Variants in FAT2 observed in about 807,000 individuals in gnomAD.
The protein encoded by FAT2 is protocadherin Fat 2.
FAT2 carries 150 observed loss-of-function variants against 295.3 expected under a neutral mutation model. That is an observed-to-expected ratio of 0.51 (90% CI 0.44 to 0.58). The LOEUF is 0.58. Among genes scored for constraint, FAT2 ranks in the 20% least tolerant of loss-of-function variants. The pLI, the probability that FAT2 is intolerant of heterozygous loss-of-function variation, is 0.00. For missense variants in FAT2, 4,868 were observed against 5,442.7 expected (o/e 0.89, Z 3.32); for synonymous variants, 2,026 against 2,150.3 (o/e 0.94, Z 1.60).
chr5:151,538,294 C>T (rs145398707), intron 11 of FAT2, among the ~76,000 whole-genome samples: 2 of 152,238 alleles, frequency 1.3e-5, no homozygotes, highest in African/African-American at 2.4e-5. Context: ...TTCTTCCACC[C>T]AGTCCTTTGA....
At position 151,512,373 on chromosome 5, in the gene FAT2, C is replaced by T. The variant is rs2127570555; in HGVS notation, c.11697G>A (p.Leu3899=). The T allele has an allele frequency of 6.2e-7, 1 of 1,614,230 alleles. No homozygotes were observed. The highest frequency in any genetic ancestry group is 1.7e-5 in the Admixed American group (1 of 60,032). Residue 3899 remains leucine (L), a synonymous_variant, in exon 21 of 24, where the codon TTG becomes TTA. Coordinates refer to ENST00000261800, the MANE Select transcript of FAT2 (RefSeq NM_001447.3). This position sits in a 1 kb window ranked among gnomAD's most constrained non-coding sequence, Gnocchi z 4.1. ...CCTGGGAGACATTCGAGGAAGAATG[C>T]AACAGAATGAGGCCGCCCAGCAAGA... ...RHLLLGGLIL[L]HSSSNVSQGF... is the part of the protein sequence containing the mutation.
At chr5:151,537,469 A>G (rs995265701) in intron 12 of FAT2, among the ~76,000 whole-genome samples, 1 of 151,904 alleles carries the variant, frequency 6.6e-6, no homozygotes, top group South Asian at 2.1e-4. Flanking sequence ...GAAGGAAAGG[A>G]GAAACCAAGA....
At chr5:151,590,113 T>C (rs1218231400) in intron 1 of FAT2, among the ~76,000 whole-genome samples, 2 of 152,226 alleles carry the variant, frequency 1.3e-5, no homozygotes, top group African/African-American at 4.8e-5. Flanking sequence ...GTGCTCAGCA[T>C]AGTCCCCAGG....
At chr5:151,540,839 A>G (rs1756056047) in intron 10 of FAT2, 76 bp from the exon 11 acceptor site, 1 of 1,316,574 alleles carries the variant, frequency 7.6e-7, no homozygotes, top group East Asian at 2.4e-5. Flanking sequence ...GTGGCTGCCC[A>G]TTGGATGCAT....
In FAT2 at chr5:151,565,768, G is replaced by A. The variant is rs1758227042; in HGVS notation, c.3164C>T (p.Ala1055Val). 6.2e-7 allele frequency: 1 copy of A among 1,613,866 alleles called. No individual in the cohort carries two copies. The highest frequency in any genetic ancestry group is 1.7e-5 in the Admixed American group (1 of 59,994). The change falls in exon 2 of 24, where the codon GCT becomes GTT. Residue 1055 changes from alanine (A) to valine (V), a missense_variant. By Grantham distance (64) the Ala-to-Val change is moderately conservative. This residue lies in a region of FAT2 where 3,297 missense variants were observed against 3,669.4 expected (regional missense o/e 0.90). Transcript: ENST00000261800. ...SPSGTQVIVV[A>V]AQDDDSGLDG... ...CAAGCCACTGTCATCGTCCTGGGCA[G>A]CCACTACAATCACCTGAGTTCCCGA...
intron 6 of FAT2, 139 bp downstream of exon 6, chr5:151,553,038 G>C: frequency 1.3e-6 from 1 of 744,604 alleles, no homozygotes; most frequent in Non-Finnish European, 2.2e-6. Flanking sequence ...GGAAGAGGCA[G>C]TCCCCACTCC....
In FAT2 at chr5:151,525,951, A is replaced by G. The variant is rs2127584710; in HGVS notation, c.10323T>C (p.Ile3441=). 1.9e-6 allele frequency: 3 copies of G among 1,614,130 alleles called. No individual in the cohort carries two copies. The highest frequency in any genetic ancestry group is 2.5e-6 in the Non-Finnish European group (3 of 1,180,010). ...GGATCAGCTGCAGGACTTTGCTGCCAATGGGGGAGTTCTCCTGAGACCGAG... is the reference window on the plus strand; with the variant it reads ...GGATCAGCTGCAGGACTTTGCTGCCGATGGGGGAGTTCTCCTGAGACCGAG... ...YSTTVQENSP[I]GSKVLQLILS... The change falls in exon 18 of 24, where the codon ATT becomes ATC. Residue 3441 remains isoleucine, a synonymous_variant. Coordinates refer to ENST00000261800, the MANE Select transcript of FAT2 (RefSeq NM_001447.3).
chr5:151,525,514 T>C (rs76255783), intron 18 of FAT2, among the ~76,000 whole-genome samples: 7,319 of 152,198 alleles, frequency 0.048, 179 homozygotes, highest in African/African-American at 0.054. Context: ...CTTTGCCACT[T>C]ATTACCAGTA....
In FAT2 at chr5:151,554,794, A is replaced by T. The variant is rs564919159; in HGVS notation, c.3634-121T>A. 1.7e-5 allele frequency: 13 copies of T among 781,192 alleles called. No homozygotes were observed. In the African/African-American group the frequency reaches 2.3e-4, roughly 14 times the overall value. The allele number at this position is 781,192 out of a possible 1,614,324, so 48.4% of individuals were successfully genotyped here. A position where few individuals can be genotyped will look rare whatever the true frequency, so the allele number is the denominator to read the frequency against. On this transcript the variant is annotated intron_variant, in intron 4 of 23. Coordinates refer to ENST00000261800, the MANE Select transcript of FAT2 (RefSeq NM_001447.3). ...GTATGAGCTTGTACTTTTTATTATC[A>T]TAACTTCACCTACTTGGAACTCAGC...
At chr5:151,539,310 G>A (rs981678344) in intron 11 of FAT2, among the ~76,000 whole-genome samples, 1 of 152,214 alleles carries the variant, frequency 6.6e-6, no homozygotes, top group Admixed American at 6.5e-5. Context: ...GGAGATATAT[G>A]TATTTATGTG....
chr5:151,520,888 A>G (rs1467306908), intron 19 of FAT2, among the ~76,000 whole-genome samples: 2 of 152,236 alleles, frequency 1.3e-5, no homozygotes, highest in Non-Finnish European at 2.9e-5. Flanking sequence ...AGCACTTGAT[A>G]CATAGTACTG....
In FAT2 at chr5:151,529,172, C is replaced by G. The variant is rs1181482530; in HGVS notation, c.10026+6G>C. On this transcript the variant is annotated splice_donor_region_variant and intron_variant, in intron 15 of 23. Transcript: ENST00000261800. Reference sequence around the variant, plus strand: ...TCCCACAAAGAGCAAGGTGGCAGATCCTTACCGTGAGGATGACGTCACCCA... The same window carrying G: ...TCCCACAAAGAGCAAGGTGGCAGATGCTTACCGTGAGGATGACGTCACCCA... 1 of 1,613,546 alleles carries G rather than the reference C, an allele frequency of 6.2e-7. No individual in the cohort carries two copies. The highest frequency in any genetic ancestry group is 8.5e-7 in the Non-Finnish European group (1 of 1,179,726).
chr5:151,536,997 C>A (rs1377493257), intron 12 of FAT2, among the ~76,000 whole-genome samples: 1 of 152,158 alleles, frequency 6.6e-6, no homozygotes, highest in Non-Finnish European at 1.5e-5. Context: ...AGTGCCCTTT[C>A]CCCCACTCTC....
intron 15 of FAT2, 88 bp downstream of exon 15, chr5:151,529,090 C>T: frequency 8.9e-7 from 1 of 1,119,916 alleles, no homozygotes; most frequent in Admixed American, 1.8e-5. Flanking sequence ...TAAACTAATC[C>T]ATGCTCATAG....
chr5:151,555,473 T>C (rs1279814458), intron 4 of FAT2, among the ~76,000 whole-genome samples: 1 of 150,478 alleles, frequency 6.6e-6, no homozygotes. Context: ...CAGGTTCAAG[T>C]GCTTCTCCGC....
In FAT2 at chr5:151,568,453, T is replaced by G. The variant is rs758082462; in HGVS notation, c.479A>C (p.Asp160Ala). ...GCAGATGGGGCTCTTCAGGGGCATG[T>G]CCTCAGAGATGGTGACTCTGTACGA... ...PPSYRVTISE[D>A]MPLKSPICKV... is the part of the protein sequence containing the mutation. The change falls in exon 2 of 24, where the codon GAC becomes GCC. Residue 160 changes from aspartate to alanine, a missense_variant. Asp to Ala is a moderately radical substitution (Grantham distance 126). Transcript: ENST00000261800. The G allele has an allele frequency of 6.2e-7, 1 of 1,614,034 alleles. No individual in the cohort carries two copies. The highest frequency in any genetic ancestry group is 8.5e-7 in the Non-Finnish European group (1 of 1,180,040).
At position 151,567,556 on chromosome 5, in the gene FAT2, T is replaced by G; in HGVS notation, c.1376A>C (p.Asn459Thr). ...VDCNNHAPLFNRSSYDGTLDE... is the reference protein window; with the variant it reads ...VDCNNHAPLFTRSSYDGTLDE... ...CAAGGTACCATCATAGGAAGACCTG[T>G]TGAAGAGGGGGGCATGGTTGTTGCA... Residue 459 changes from asparagine (N) to threonine (T), a missense_variant, in exon 2 of 24, where the codon AAC becomes ACC. Transcript: ENST00000261800. The G allele has an allele frequency of 1.2e-6, 2 of 1,614,178 alleles. No homozygotes were observed. Among genetic ancestry groups the G allele is most frequent in the Non-Finnish European group, 1.7e-6 (2 of 1,180,024 alleles).
At chr5:151,563,879 C>T (rs1489874001) in intron 2 of FAT2, among the ~76,000 whole-genome samples, 1 of 152,184 alleles carries the variant, frequency 6.6e-6, no homozygotes, top group Non-Finnish European at 1.5e-5. Flanking sequence ...TGGACGCATG[C>T]CTTTAGCATG....
chr5:151,588,757 G>T (rs912332246), intron 1 of FAT2, among the ~76,000 whole-genome samples: 6 of 152,124 alleles, frequency 3.9e-5, no homozygotes, highest in Non-Finnish European at 8.8e-5. Context: ...ACACTTCAAG[G>T]TGCTGTGAGA....
Sources: gnomAD v4.1 joint callset for allele counts (sites outside exome capture counted in the v4.1 genomes callset) on GRCh38, gnomAD v4.1.1 for gene constraint, gnomAD v4.1.1 regional missense constraint, Gnocchi (gnomAD v3.1) non-coding constraint, MANE v1.5 for transcripts, NCBI Gene and HGNC (gene_info 2026-07-23, HGNC 2026-07-21) for gene names.